Variants in USP37 observed in about 807,000 individuals in gnomAD.
USP37 encodes the protein ubiquitin carboxyl-terminal hydrolase 37.
A neutral mutation model predicts 124.0 loss-of-function variants in USP37; 27 were observed. That is an observed-to-expected ratio of 0.22 (90% CI 0.16 to 0.30). The LOEUF (loss-of-function observed/expected upper bound fraction) is 0.30. USP37 is among the 10% of genes least tolerant of loss of function. The pLI is 1.00. For missense variants in USP37, 889 were observed against 1,140.4 expected, an observed-to-expected ratio of 0.78 and a Z score of 3.17; for synonymous variants, 365 against 388.0, an observed-to-expected ratio of 0.94 and a Z score of 0.70.
intron 10 of USP37, among the ~76,000 whole-genome samples, chr2:218,518,378 C>T (rs1690416218): frequency 6.6e-6 from 1 of 152,030 alleles, no homozygotes; most frequent in South Asian, 2.1e-4. Context: ...ATATGTGGAG[C>T]CCTGTGGTCC....
At chr2:218,553,791 T>A in intron 4 of USP37, 67 bp from the exon 5 acceptor site, 2 of 1,413,722 alleles carry the variant, frequency 1.4e-6, no homozygotes, top group Non-Finnish European at 1.9e-6. Flanking sequence ...ATCTGTATAA[T>A]AAATACTAAA....
At chr2:218,527,224 A>G (rs1256401357) in intron 10 of USP37, among the ~76,000 whole-genome samples, 1 of 152,200 alleles carries the variant, frequency 6.6e-6, no homozygotes, top group Non-Finnish European at 1.5e-5. Context: ...TGCAGGTAAC[A>G]GTAAAGCAGA....
chr2:218,468,665 C>T (rs150882547), intron 20 of USP37, among the ~76,000 whole-genome samples: 184 of 152,192 alleles, frequency 1.2e-3, no homozygotes, highest in African/African-American at 4.1e-3. Flanking sequence ...AGTTTGTATA[C>T]GCTCTTTACC....
chr2:218,499,271 T>A (rs998996258), intron 11 of USP37, among the ~76,000 whole-genome samples: 6 of 142,576 alleles, frequency 4.2e-5, no homozygotes, highest in African/African-American at 1.6e-4. Flanking sequence ...AAGACTATGT[T>A]TTTTAAAAAA....
intron 23 of USP37, among the ~76,000 whole-genome samples, chr2:218,459,212 T>C (rs1326716862): frequency 1.3e-5 from 2 of 152,036 alleles, no homozygotes; most frequent in East Asian, 3.9e-4. Flanking sequence ...GGTAATTTTT[T>C]CCCCCCGAGA....
At chr2:218,463,471 T>C (rs1001798511) in intron 21 of USP37, 105 bp from the exon 22 acceptor site, 3 of 930,818 alleles carry the variant, frequency 3.2e-6, no homozygotes, top group African/African-American at 3.3e-5. Context: ...AAGAATGCTT[T>C]CTATAACCTT....
intron 6 of USP37, among the ~76,000 whole-genome samples, chr2:218,549,347 C>G (rs532418434): frequency 3.3e-5 from 5 of 151,970 alleles, no homozygotes; most frequent in Non-Finnish European, 7.4e-5. Flanking sequence ...AAAGAGAATT[C>G]ATAAATTTAC....
In USP37 at chr2:218,534,719, A is replaced by AT. The variant is rs780891632; in HGVS notation, c.681-14dup. The AT allele has an allele frequency of 4.5e-6, 7 of 1,543,818 alleles. No homozygotes were observed. The African/African-American group carries it at 9.6e-5, about 21-fold the overall frequency. On this transcript the variant is annotated splice_polypyrimidine_tract_variant and intron_variant, in intron 8 of 25. Transcript: ENST00000258399. ...GGCCTTGTTGTTCCTATAGTTAATA[A>AT]TTTTACATCAATATAGTACAGGTGT...
intron 8 of USP37, among the ~76,000 whole-genome samples, chr2:218,542,224 G>C (rs897737763): frequency 1.6e-4 from 25 of 152,270 alleles, no homozygotes; most frequent in African/African-American, 4.6e-4. Flanking sequence ...ATTTGCACAA[G>C]TATATTCATC....
At chr2:218,544,157 A>G in intron 8 of USP37, among the ~76,000 whole-genome samples, 1 of 151,906 alleles carries the variant, frequency 6.6e-6, no homozygotes, top group East Asian at 1.9e-4. Flanking sequence ...AGGCGGGCAG[A>G]TCACTTGAGG....
intron 18 of USP37, among the ~76,000 whole-genome samples, chr2:218,478,699 C>T (rs1204719591): frequency 6.6e-6 from 1 of 152,168 alleles, no homozygotes; most frequent in African/African-American, 2.4e-5. Context: ...TTACAGAAGG[C>T]AGCTTGCCTG....
At chr2:218,523,046 C>T (rs537401620) in intron 10 of USP37, among the ~76,000 whole-genome samples, 1 of 152,110 alleles carries the variant, frequency 6.6e-6, no homozygotes, top group Non-Finnish European at 1.5e-5. Context: ...GAGGCCGAGA[C>T]GGGTGGATCA....
chr2:218,505,360 C>T (rs930756071), intron 11 of USP37, among the ~76,000 whole-genome samples: 6 of 152,086 alleles, frequency 3.9e-5, no homozygotes, highest in Non-Finnish European at 7.4e-5. Context: ...GTATTCTCAC[C>T]ATTGTTTGTC....
Position 218,482,227 on chromosome 2 carries a change from T to C in USP37, c.1678A>G (p.Ile560Val), listed in dbSNP as rs1216057960. The C allele has an allele frequency of 6.2e-7, 1 of 1,608,932 alleles. No individual in the cohort carries two copies. The highest frequency in any genetic ancestry group is 1.1e-5 in the South Asian group (1 of 90,540). The part of the protein sequence containing the change: ...HKFNRLPRVL[I>V]LHLKRYSFNV... ...AAGCTATATCGTTTCAAATGGAGAA[T>C]GAGGACCCTGAAAAACAGGAGATGA... The change falls in exon 17 of 26, where the codon ATT becomes GTT. Residue 560 changes from isoleucine to valine, a missense_variant. Physicochemically the swap from Ile to Val is conservative, Grantham distance 29. Around this residue, in one of 3 missense-constraint regions of USP37, gnomAD observed 504 missense variants for 714.3 expected, o/e 0.71. Coordinates refer to ENST00000258399, the MANE Select transcript of USP37 (RefSeq NM_020935.3).
chr2:218,485,789 G>T, intron 15 of USP37, 46 bp from the exon 16 acceptor site: 1 of 1,562,544 alleles, frequency 6.4e-7, no homozygotes, highest in Non-Finnish European at 8.7e-7. Context: ...ATCAGCATTA[G>T]TATCTTAAAT....
chr2:218,460,756 C>T (rs998212107), intron 22 of USP37, among the ~76,000 whole-genome samples: 4 of 151,948 alleles, frequency 2.6e-5, no homozygotes, highest in African/African-American at 9.7e-5. Context: ...TCCTAGCCAA[C>T]ATGGTAAAAC....
intron 10 of USP37, among the ~76,000 whole-genome samples, chr2:218,512,362 C>T (rs551785398): frequency 6.6e-6 from 1 of 152,100 alleles, no homozygotes; most frequent in Non-Finnish European, 1.5e-5. Context: ...CAAAAATTAG[C>T]CAAGCGTAGT....
chr2:218,470,151 T>G (rs912308321), intron 20 of USP37, among the ~76,000 whole-genome samples: 1 of 152,174 alleles, frequency 6.6e-6, no homozygotes, highest in East Asian at 1.9e-4. Context: ...GAATATACTG[T>G]TTGCTTCTTC....
At chr2:218,487,570 G>A (rs1559178847) in intron 15 of USP37, among the ~76,000 whole-genome samples, 1 of 152,096 alleles carries the variant, frequency 6.6e-6, no homozygotes, top group Admixed American at 6.6e-5. Context: ...ACAGGCACAC[G>A]CCACCATGCC....
Sources: allele counts gnomAD v4.1 joint callset (sites outside exome capture counted in the v4.1 genomes callset), GRCh38; gene constraint gnomAD v4.1.1; regional missense constraint gnomAD v4.1.1; transcripts MANE v1.5; gene names NCBI Gene and HGNC (gene_info 2026-07-23, HGNC 2026-07-21).